LMNB2: variants seen among roughly 807,000 people sequenced by gnomAD.
LMNB2 encodes lamin-B2.
In LMNB2, 17 loss-of-function variants were observed where a neutral mutation model predicts 69.3. The observed-to-expected ratio is 0.25, with a 90% CI of 0.17 to 0.37. The LOEUF is 0.37. Among genes scored for constraint, LMNB2 ranks in the 10% least tolerant of loss-of-function variants. The pLI, the probability that LMNB2 is intolerant of heterozygous loss-of-function variation, is 1.00. For missense variants in LMNB2, 789 were observed against 883.6 expected, an observed-to-expected ratio of 0.89 and a Z score of 1.36; for synonymous variants, 397 against 389.3, an observed-to-expected ratio of 1.02 and a Z score of -0.23.
chr19:2,446,787 T>C (rs1971961007), intron 1 of LMNB2, among the ~76,000 whole-genome samples: 1 of 152,086 alleles, frequency 6.6e-6, no homozygotes, highest in Admixed American at 6.6e-5. Flanking sequence ...TGTGACCCGG[T>C]AACTCCACTC....
At chr19:2,455,608 C>A (rs1972077932) in intron 1 of LMNB2, among the ~76,000 whole-genome samples, 13 of 152,162 alleles carry the variant, frequency 8.5e-5, no homozygotes, top group Admixed American at 8.5e-4. Context: ...CTGCAGCCCT[C>A]ACTCAGGACA....
intron 8 of LMNB2, among the ~76,000 whole-genome samples, chr19:2,432,879 C>T: frequency 1.1e-5 from 1 of 89,680 alleles, no homozygotes; most frequent in Admixed American, 1.0e-4. Flanking sequence ...TCTTTCCGGT[C>T]ACCTTGTCCC....
chr19:2,438,110 G>GGTGGACTTT (rs2145453987), intron 4 of LMNB2, 53 bp downstream of exon 4: 1 of 1,609,414 alleles, frequency 6.2e-7, no homozygotes, highest in East Asian at 2.2e-5. Flanking sequence ...CAGCCATGAG[G>GGTGGACTTT]GTGGACTTTG....
chr19:2,431,363 G>A (rs937888744), intron 11 of LMNB2, among the ~76,000 whole-genome samples, 185 bp downstream of exon 11: 8 of 152,280 alleles, frequency 5.3e-5, no homozygotes, highest in Middle Eastern at 3.4e-3. Context: ...CGATGGGCAC[G>A]ACCCAGGAGG....
At chr19:2,437,318 G>A (rs1045292598) in intron 4 of LMNB2, among the ~76,000 whole-genome samples, 5 of 152,216 alleles carry the variant, frequency 3.3e-5, no homozygotes, top group African/African-American at 1.2e-4. Context: ...TGGGGAGAGC[G>A]GGCCTCACCC....
Position 2,431,533 on chromosome 19 carries a change from G to C in LMNB2, c.1821+15C>G, listed in dbSNP as rs1489146339. On this transcript the variant is annotated intron_variant, in intron 11 of 11. Coordinates refer to ENST00000325327, the MANE Select transcript of LMNB2 (RefSeq NM_032737.4). ...GAGGCTGCCCCCCAGCCGCAAGTGG[G>C]CACAGGGGTCCTACCTGTTGGTGGA... is the stretch of plus-strand genomic sequence containing the variant. The C allele has an allele frequency of 6.2e-7, 1 of 1,613,776 alleles. No homozygotes were observed.
chr19:2,433,682 G>T (rs1971777708), intron 8 of LMNB2, 144 bp downstream of exon 8: 4 of 907,048 alleles, frequency 4.4e-6, no homozygotes, highest in Non-Finnish European at 6.7e-6. Flanking sequence ...CATCAGCTGG[G>T]TCACCCCGTT....
At chr19:2,438,321 A>T (rs1971852419) in intron 3 of LMNB2, 33 bp from the exon 4 acceptor site, 1 of 1,613,638 alleles carries the variant, frequency 6.2e-7, no homozygotes, top group Non-Finnish European at 8.5e-7. Context: ...CTGGTGTGAC[A>T]ATCTGTCTGT....
intron 2 of LMNB2, 119 bp downstream of exon 2, chr19:2,444,285 T>G: frequency 6.3e-5 from 75 of 1,189,780 alleles, no homozygotes; most frequent in Non-Finnish European, 8.2e-5. Flanking sequence ...ATGGGAGCTG[T>G]GAGCTCCAGG....
chr19:2,431,451 G>T (rs1054685898), intron 11 of LMNB2, 97 bp downstream of exon 11: 4 of 1,523,006 alleles, frequency 2.6e-6, no homozygotes, highest in Non-Finnish European at 3.6e-6. Context: ...TGGAGCTCCC[G>T]TCGGGGATGC....
At chr19:2,448,441 C>A (rs143110771) in intron 1 of LMNB2, among the ~76,000 whole-genome samples, 9 of 152,262 alleles carry the variant, frequency 5.9e-5, no homozygotes, top group East Asian at 3.9e-4. Context: ...AGATCAGCGC[C>A]GGGACACACA....
rs143135770 is a variant in LMNB2, at chr19:2,440,475, C to A, written c.402-1944G>T. On this transcript the variant is annotated intron_variant, in intron 2 of 11. Coordinates refer to ENST00000325327, the MANE Select transcript of LMNB2 (RefSeq NM_032737.4). The stretch of plus-strand genomic sequence containing the variant: ...AAAGTGCTGGGATTACAGGCATGAG[C>A]CACCGCACCCAGCCTTACAGATAGC... Among the ~76,000 whole-genome samples, 14 of 152,342 alleles carry A rather than the reference C, an allele frequency of 9.2e-5. 1 individual carries two copies. The East Asian group carries it at 2.7e-3, about 29-fold the overall frequency.
intron 1 of LMNB2, among the ~76,000 whole-genome samples, chr19:2,456,407 C>T (rs1445424792): frequency 6.6e-6 from 1 of 150,678 alleles, no homozygotes; most frequent in Admixed American, 6.6e-5. Context: ...CTCAGGGGCC[C>T]CTCGAAACCC....
Position 2,432,517 on chromosome 19 carries a change from A to T in LMNB2, c.1489T>A (p.Ser497Thr). 6.2e-7 allele frequency: 1 copy of T among 1,612,920 alleles called. No homozygotes were observed. The highest frequency in any genetic ancestry group is 8.5e-7 in the Non-Finnish European group (1 of 1,179,202). ...QLKNNSDKDQ[S>T]LGNWRIKRQV... The stretch of plus-strand genomic sequence containing the variant: ...CTCTTGATTCTCCAGTTCCCCAGAG[A>T]CTGATCCTGGAAGACACGGCACACA... Residue 497 changes from serine to threonine, a missense_variant, in exon 9 of 12, where the codon TCT (serine) becomes ACT (threonine). Ser to Thr is a moderately conservative substitution (Grantham distance 58, BLOSUM62 1). This residue lies in a region of LMNB2 where 609 missense variants were observed against 630.9 expected (regional missense o/e 0.97). Transcript: ENST00000325327.
In LMNB2 at chr19:2,438,460, C is replaced by A. The variant is rs375613243; in HGVS notation, c.473G>T (p.Arg158Leu). The A allele has an allele frequency of 6.2e-7, 1 of 1,612,180 alleles. No homozygotes were observed. The change falls in exon 3 of 12, where the codon CGG becomes CTG. Residue 158 changes from arginine (R) to leucine (L), a missense_variant. Physicochemically the swap from Arg to Leu is moderately radical, Grantham distance 102. Coordinates refer to ENST00000325327, the MANE Select transcript of LMNB2 (RefSeq NM_032737.4). ...RVKDLESLFH[R>L]SEVELAAALS... is the part of the protein sequence containing the mutation. ...GGCAGCTGCCAGCTCCACCTCGCTC[C>A]GGTGGAACAGGGACTCCAGGTCCTT...
intron 1 of LMNB2, among the ~76,000 whole-genome samples, chr19:2,449,587 C>A (rs1182297252): frequency 6.6e-6 from 1 of 152,036 alleles, no homozygotes; most frequent in Admixed American, 6.6e-5. Flanking sequence ...CGAGACCAGC[C>A]TGGCCAACAT....
Position 2,447,972 on chromosome 19 carries a change from C to T in LMNB2, c.265-3432G>A, listed in dbSNP as rs1300759676. Among the ~76,000 whole-genome samples, 3 of 152,174 alleles carry T rather than the reference C, an allele frequency of 2.0e-5. No homozygotes were observed. Among genetic ancestry groups the T allele is most frequent in the African/African-American group, 4.8e-5 (2 of 41,420 alleles). On this transcript the variant is annotated intron_variant, in intron 1 of 11. Coordinates refer to ENST00000325327, the MANE Select transcript of LMNB2 (RefSeq NM_032737.4). The surrounding 1 kb of genome is among the most constrained non-coding windows in gnomAD (Gnocchi z 4.4). ...TTTTATGTATGGGAAAACTGAGGCA[C>T]GGGTCAGTAAAAAGCCGCCTCCTGA... is the stretch of plus-strand genomic sequence containing the variant.
intron 4 of LMNB2, 70 bp from the exon 5 acceptor site, chr19:2,435,241 A>T: frequency 6.3e-7 from 1 of 1,575,942 alleles, no homozygotes; most frequent in Non-Finnish European, 8.6e-7. Flanking sequence ...GGGAGGGCTC[A>T]AAAATGTGCC....
chr19:2,436,715 G>A lies in LMNB2; in HGVS notation c.684+1448C>T, dbSNP rs1199222477. The A allele has an allele frequency of 3.7e-5, 5 of 136,966 alleles. No individual in the cohort carries two copies. The Middle Eastern group carries it at 0.013, about 354-fold the overall frequency. The allele number at this position is 136,966 out of a possible 1,614,324, so 8.5% of individuals were successfully genotyped here. ...ACCACGGCCGCGCACCCACCTCCAC[G>A]GCCGCCCTCCCGCCACCACAGCCGC... is the stretch of plus-strand genomic sequence containing the variant. On this transcript the variant is annotated intron_variant, in intron 4 of 11. Coordinates refer to ENST00000325327, the MANE Select transcript of LMNB2 (RefSeq NM_032737.4).
Sources: gnomAD v4.1 joint callset for allele counts (sites outside exome capture counted in the v4.1 genomes callset) on GRCh38, gnomAD v4.1.1 for gene constraint, gnomAD v4.1.1 regional missense constraint, Gnocchi (gnomAD v3.1) non-coding constraint, MANE v1.5 for transcripts, NCBI Gene and HGNC (gene_info 2026-07-23, HGNC 2026-07-21) for gene names.